The following HSF2BP variants were observed in gnomAD, a reference collection of about 807,000 sequenced individuals.
HSF2BP encodes heat shock factor 2-binding protein.
Under a neutral mutation model 35.0 loss-of-function variants are expected in HSF2BP, and 35 were observed. That is an observed-to-expected ratio of 1.00 (90% confidence interval 0.76 to 1.32). The LOEUF (loss-of-function observed/expected upper bound fraction) is 1.32, where lower values mean the gene tolerates loss of function less well. Ranked by LOEUF, HSF2BP falls within the 40% of genes most tolerant of loss-of-function variation. The probability of loss-of-function intolerance (pLI) is 0.00; values close to 1 mark genes in which losing one functional copy is unlikely to be tolerated. For synonymous variants in HSF2BP, 114 were observed against 117.4 expected (o/e 0.97, Z 0.18); for missense variants, 326 against 321.7 (o/e 1.01, Z -0.10).
intron 5 of HSF2BP, among the ~76,000 whole-genome samples, chr21:43,632,385 C>A (rs796979180): frequency 0.012 from 1,056 of 90,950 alleles, 30 homozygotes; most frequent in African/African-American, 0.018. Context: ...CGCTCCCCCC[C>A]CACACACACA....
intron 8 of HSF2BP, among the ~76,000 whole-genome samples, chr21:43,589,562 T>G (rs1275740940): frequency 6.6e-6 from 1 of 152,114 alleles, no homozygotes; most frequent in East Asian, 1.9e-4. Context: ...CAAAACAACC[T>G]TGAAAGAGAA....
intron 6 of HSF2BP, among the ~76,000 whole-genome samples, chr21:43,625,096 T>C (rs927356501): frequency 2.6e-5 from 4 of 152,040 alleles, no homozygotes; most frequent in African/African-American, 9.7e-5. Flanking sequence ...AATTTCAAGG[T>C]TTAAATAAAT....
intron 8 of HSF2BP, among the ~76,000 whole-genome samples, chr21:43,579,364 CAACA>C (rs199691263): frequency 0.013 from 1,950 of 152,236 alleles, 42 homozygotes; most frequent in African/African-American, 0.043. Context: ...GTAAAACAAA[CAACA>C]AAAATGGAGC....
chr21:43,658,644 G>T (rs1044526645), intron 1 of HSF2BP, among the ~76,000 whole-genome samples: 1 of 152,220 alleles, frequency 6.6e-6, no homozygotes, highest in Non-Finnish European at 1.5e-5. Context: ...CAAAATATAG[G>T]ATGGCCTCGG....
intron 6 of HSF2BP, among the ~76,000 whole-genome samples, chr21:43,614,492 C>G (rs1282638755): frequency 6.6e-6 from 1 of 152,104 alleles, no homozygotes; most frequent in Non-Finnish European, 1.5e-5. Context: ...AAACAGAGCC[C>G]TGGAATCTAA....
intron 8 of HSF2BP, among the ~76,000 whole-genome samples, chr21:43,590,995 AT>A (rs534607931): frequency 3.0e-4 from 46 of 152,354 alleles, no homozygotes; most frequent in Admixed American, 1.8e-3. Context: ...TATGCAACTT[AT>A]TACATGTCGA....
At chr21:43,604,588 C>T (rs2082100628) in intron 7 of HSF2BP, among the ~76,000 whole-genome samples, 2 of 138,468 alleles carry the variant, frequency 1.4e-5, no homozygotes, top group South Asian at 4.8e-4. Flanking sequence ...ATACACACAC[C>T]ACCATACACA....
Position 43,613,894 on chromosome 21 carries a change from G to A in HSF2BP, c.628C>T (p.Leu210Phe). 2 of 1,612,060 alleles carry A rather than the reference G, an allele frequency of 1.2e-6. No individual in the cohort carries two copies. Among genetic ancestry groups the A allele is most frequent in the Admixed American group, 3.4e-5 (2 of 59,378 alleles). Reference protein sequence around the residue: ...REFLVNSSRVLLDTILQLLGD... With the variant: ...REFLVNSSRVFLDTILQLLGD... ...AGAAGCTGCAATATGGTGTCCAAGA[G>A]CACCCGGCTTGAATTAACCAAGAAT... The change falls in exon 7 of 9, where the codon CTC becomes TTC. Residue 210 changes from leucine (L) to phenylalanine (F), a missense_variant. Coordinates refer to ENST00000291560, the MANE Select transcript of HSF2BP (RefSeq NM_007031.2).
At position 43,582,311 on chromosome 21, in the gene HSF2BP, GA is replaced by G. The variant is rs1423068668; in HGVS notation, c.796+9913del. Among the ~76,000 whole-genome samples the G allele has an allele frequency of 4.1e-4, 59 of 142,802 alleles. 6 individuals carry two copies. The highest frequency in any genetic ancestry group is 1.5e-3 in the African/African-American group (54 of 35,082). The allele number at this position is 142,802 out of a possible 152,430, so 93.7% of individuals were successfully genotyped here. ...TGAGGGGGATGAAGACCTGCTGTGG[GA>G]GATAAGGGCCTGTTGCGGGAGATGA... On this transcript the variant is annotated intron_variant, in intron 8 of 8. Coordinates refer to ENST00000291560, the MANE Select transcript of HSF2BP (RefSeq NM_007031.2).
chr21:43,505,808 A>G, the HSF2BP span, among the ~76,000 whole-genome samples: 1 of 123,458 alleles, frequency 8.1e-6, no homozygotes, highest in Non-Finnish European at 1.8e-5. Flanking sequence ...ATCTCTTCCC[A>G]TGTTTGCCAG....
At chr21:43,595,862 T>C (rs1373790503) in intron 7 of HSF2BP, among the ~76,000 whole-genome samples, 1 of 148,852 alleles carries the variant, frequency 6.7e-6, no homozygotes, top group Non-Finnish European at 1.5e-5. Context: ...GTAGCTGGGA[T>C]TACAGGCATA....
intron 4 of HSF2BP, among the ~76,000 whole-genome samples, chr21:43,638,943 T>C (rs1568934634): frequency 6.6e-6 from 1 of 152,194 alleles, no homozygotes; most frequent in Admixed American, 6.5e-5. Flanking sequence ...AATGTATTAT[T>C]GGTGCAGGAA....
Position 43,635,159 on chromosome 21 carries a change from A to T in HSF2BP, c.292-1738T>A, listed in dbSNP as rs188046491. Among the ~76,000 whole-genome samples, 5 of 152,322 alleles carry T rather than the reference A, an allele frequency of 3.3e-5. No homozygotes were observed. The East Asian group carries it at 9.6e-4, about 29-fold the overall frequency. On this transcript the variant is annotated intron_variant, in intron 4 of 8. Transcript: ENST00000291560. ...AATAAGAATAATTTTTTAAGGTGCA[A>T]GACCTATACAATGAAAACTACAAAG... is the stretch of plus-strand genomic sequence containing the variant.
At chr21:43,603,727 TG>T (rs1483707263) in intron 7 of HSF2BP, among the ~76,000 whole-genome samples, 38 of 152,256 alleles carry the variant, frequency 2.5e-4, no homozygotes, top group African/African-American at 8.7e-4. Context: ...CACCATATGC[TG>T]GAAGTTCCTA....
chr21:43,598,389 G>GT (rs10650407), intron 7 of HSF2BP, among the ~76,000 whole-genome samples: 2,093 of 143,256 alleles, frequency 0.015, 45 homozygotes, highest in African/African-American at 0.046. Flanking sequence ...GGGTTTTTTT[G>GT]TTTTTTTTTT....
chr21:43,656,086 C>G (rs1033789286), intron 3 of HSF2BP, among the ~76,000 whole-genome samples: 2 of 152,192 alleles, frequency 1.3e-5, no homozygotes, highest in Non-Finnish European at 2.9e-5. Flanking sequence ...GGCTCCTAAA[C>G]TGGTATTCAA....
At chr21:43,598,082 A>G (rs1451831760) in intron 7 of HSF2BP, among the ~76,000 whole-genome samples, 3 of 152,326 alleles carry the variant, frequency 2.0e-5, no homozygotes, top group Non-Finnish European at 2.9e-5. Flanking sequence ...TAAGCACTCA[A>G]TTTATCTACT....
At chr21:43,572,974 G>A (rs572737219) in intron 8 of HSF2BP, among the ~76,000 whole-genome samples, 12 of 152,344 alleles carry the variant, frequency 7.9e-5, no homozygotes, top group Middle Eastern at 6.8e-3. Context: ...TTAAATCTGT[G>A]AGAGTGAGAA....
At chr21:43,572,370 G>A (rs768676202) in intron 8 of HSF2BP, among the ~76,000 whole-genome samples, 49 of 151,940 alleles carry the variant, frequency 3.2e-4, no homozygotes, top group Non-Finnish European at 4.3e-4. Flanking sequence ...AGGTGTAGAC[G>A]TGACTGCCCG....
Sources: gnomAD v4.1 joint callset for allele counts (sites outside exome capture counted in the v4.1 genomes callset) on GRCh38, gnomAD v4.1.1 for gene constraint, MANE v1.5 for transcripts, NCBI Gene and HGNC (gene_info 2026-07-23, HGNC 2026-07-21) for gene names.